Variants in MALRD1 observed in about 807,000 individuals in gnomAD.
The protein encoded by MALRD1 is MAM and LDL-receptor class A domain-containing protein 1.
Under a neutral mutation model 242.1 loss-of-function variants are expected in MALRD1, and 247 were observed. The observed-to-expected ratio is 1.02, with a 90% CI of 0.92 to 1.13. MALRD1 has a LOEUF of 1.13. Ranked by LOEUF, MALRD1 falls within the 50% of genes most tolerant of loss-of-function variation. MALRD1 has a pLI of 0.00. For synonymous variants in MALRD1, 995 were observed against 866.6 expected (o/e 1.15, Z -2.60); for missense variants, 2,989 against 2,533.1 (o/e 1.18, Z -3.86).
chr10:19,107,948 T>C (rs1836527587), intron 5 of MALRD1, among the ~76,000 whole-genome samples: 1 of 152,200 alleles, frequency 6.6e-6, no homozygotes, highest in Non-Finnish European at 1.5e-5. Flanking sequence ...CTTTTGGTAA[T>C]ATGATTATAA....
intron 9 of MALRD1, among the ~76,000 whole-genome samples, chr10:19,136,366 T>C (rs1439582577): frequency 3.3e-5 from 5 of 151,940 alleles, no homozygotes; most frequent in Admixed American, 2.6e-4. Flanking sequence ...TACTTTAAGT[T>C]TTAGGGAACA....
At chr10:19,173,540 G>A (rs1335462502) in intron 13 of MALRD1, among the ~76,000 whole-genome samples, 2 of 152,014 alleles carry the variant, frequency 1.3e-5, no homozygotes, top group African/African-American at 4.8e-5. Flanking sequence ...CTCCAGTTGA[G>A]CTGTACCAAC....
At position 19,387,834 on chromosome 10, in the gene MALRD1, C is replaced by A. The variant is rs929875016; in HGVS notation, c.4687+61C>A. 10 of 1,502,830 alleles carry A rather than the reference C, an allele frequency of 6.7e-6. No individual in the cohort carries two copies. In the African/African-American group the frequency reaches 1.4e-4, roughly 21 times the overall value. 93.1% of individuals were successfully genotyped at this position (1,502,830 alleles called of 1,614,324 possible). A position where few individuals can be genotyped will look rare whatever the true frequency, so the allele number is the denominator to read the frequency against. ...ATTTTCACAATGTACATCAAAATGT[C>A]TTTTCTGATAGCAACTGGGGAGCTC... On this transcript the variant is annotated intron_variant, in intron 27 of 39. Coordinates refer to ENST00000454679, the MANE Select transcript of MALRD1 (RefSeq NM_001142308.3).
Position 19,491,657 on chromosome 10 carries a change from T to C in MALRD1, c.5158+12T>C. On this transcript the variant is annotated intron_variant, in intron 30 of 39. Transcript: ENST00000454679. The stretch of plus-strand genomic sequence containing the variant: ...TGAAGCTCACTGTGGTAAGTTTATC[T>C]ATCTGCTGTATGGCAGCCAGTTCAG... 1.3e-6 allele frequency: 2 copies of C among 1,547,194 alleles called. No homozygotes were observed. Among genetic ancestry groups the C allele is most frequent in the Non-Finnish European group, 1.7e-6 (2 of 1,145,704 alleles).
intron 13 of MALRD1, among the ~76,000 whole-genome samples, chr10:19,171,022 G>A (rs188686943): frequency 8.6e-5 from 13 of 151,568 alleles, no homozygotes; most frequent in East Asian, 1.9e-4. Context: ...TTTTGCTCCC[G>A]TTATTTTTTT....
chr10:19,279,024 A>G (rs1446429033), intron 19 of MALRD1, among the ~76,000 whole-genome samples: 1 of 152,208 alleles, frequency 6.6e-6, no homozygotes, highest in African/African-American at 2.4e-5. Context: ...TGCACTCACC[A>G]GACAATGGAG....
intron 27 of MALRD1, among the ~76,000 whole-genome samples, chr10:19,388,340 A>G (rs1236459775): frequency 1.3e-5 from 2 of 152,238 alleles, no homozygotes; most frequent in Non-Finnish European, 2.9e-5. Flanking sequence ...AACACAATTC[A>G]AACCATAACA....
intron 36 of MALRD1, among the ~76,000 whole-genome samples, chr10:19,653,501 A>G (rs931014789): frequency 1.3e-5 from 2 of 152,108 alleles, no homozygotes; most frequent in Non-Finnish European, 2.9e-5. Flanking sequence ...TTGTTGTTCC[A>G]TAGGTTTAAA....
At chr10:19,134,264 A>G (rs1198656697) in intron 9 of MALRD1, among the ~76,000 whole-genome samples, 1 of 152,194 alleles carries the variant, frequency 6.6e-6, no homozygotes, top group African/African-American at 2.4e-5. Context: ...GTAAATAGTA[A>G]ACTGGTATTG....
rs143173908 is a variant in MALRD1, at chr10:19,239,221, G to A, written c.2992-18463G>A. Among the ~76,000 whole-genome samples the A allele has an allele frequency of 2.3e-3, 352 of 151,970 alleles. 2 individuals are homozygous for A. The highest frequency in any genetic ancestry group is 8.2e-3 in the African/African-American group (338 of 41,444). ...TTACAGGCACACGCCATCATGTTTG[G>A]CTAAATTTTTGTATTTTTAGTAGAG... On this transcript the variant is annotated intron_variant, in intron 18 of 39. Transcript: ENST00000454679.
chr10:19,690,804 G>A (rs948379947), intron 36 of MALRD1, among the ~76,000 whole-genome samples: 3 of 151,978 alleles, frequency 2.0e-5, no homozygotes, highest in African/African-American at 7.2e-5. Context: ...TAGAATGAAA[G>A]AATGATAGGT....
chr10:19,509,337 G>T (rs997497121), intron 31 of MALRD1, among the ~76,000 whole-genome samples: 4 of 152,114 alleles, frequency 2.6e-5, no homozygotes, highest in African/African-American at 9.7e-5. Context: ...GCCTCATTTG[G>T]GTATGGTGTG....
chr10:19,396,054 T>C (rs1846561497), intron 28 of MALRD1, among the ~76,000 whole-genome samples: 1 of 152,182 alleles, frequency 6.6e-6, no homozygotes. Context: ...CTATTTCTGT[T>C]TCTACTCCCA....
chr10:19,294,961 A>G (rs1841622291), intron 21 of MALRD1, among the ~76,000 whole-genome samples: 2 of 152,108 alleles, frequency 1.3e-5, no homozygotes, highest in African/African-American at 2.4e-5. Context: ...GTTTTTGACT[A>G]TGGTTTTAAT....
intron 34 of MALRD1, among the ~76,000 whole-genome samples, chr10:19,603,001 G>T (rs757844284): frequency 2.6e-5 from 4 of 152,156 alleles, no homozygotes; most frequent in African/African-American, 9.7e-5. Context: ...CTTCTTTTGA[G>T]AAGTGTCCAT....
At chr10:19,271,496 G>A (rs772782277) in intron 19 of MALRD1, among the ~76,000 whole-genome samples, 38 of 152,224 alleles carry the variant, frequency 2.5e-4, no homozygotes, top group Non-Finnish European at 3.8e-4. Flanking sequence ...CGGGTACGGT[G>A]GCTCATGCCT....
chr10:19,587,093 G>C (rs746689188), intron 33 of MALRD1, among the ~76,000 whole-genome samples: 1 of 152,154 alleles, frequency 6.6e-6, no homozygotes, highest in African/African-American at 2.4e-5. Flanking sequence ...GCTCGCGCAC[G>C]GTGCATGCAC....
chr10:19,139,695 C>T (rs1323151087), intron 10 of MALRD1, among the ~76,000 whole-genome samples: 1 of 152,116 alleles, frequency 6.6e-6, no homozygotes, highest in Non-Finnish European at 1.5e-5. Context: ...GGTGGCTCTT[C>T]AAAATCAGTT....
intron 33 of MALRD1, among the ~76,000 whole-genome samples, chr10:19,590,675 G>A (rs930468715): frequency 6.6e-6 from 1 of 151,982 alleles, no homozygotes; most frequent in Non-Finnish European, 1.5e-5. Context: ...ATTTTATATA[G>A]CAAAATTAAT....
Sources: allele counts gnomAD v4.1 joint callset (sites outside exome capture counted in the v4.1 genomes callset), GRCh38; gene constraint gnomAD v4.1.1; transcripts MANE v1.5; gene names NCBI Gene and HGNC (gene_info 2026-07-23, HGNC 2026-07-21).